Variants in DIRAS3 observed in about 807,000 individuals in gnomAD.
DIRAS3 encodes DIRAS family GTPase 3.
For synonymous variants in DIRAS3, 133 were observed against 131.4 expected (o/e 1.01, Z -0.08); for missense variants, 248 against 300.6 (o/e 0.83, Z 1.29).
intron 1 of DIRAS3, among the ~76,000 whole-genome samples, chr1:68,048,019 TAAAAAAAAAAAAAAAAAAA>T (rs869307311): frequency 4.6e-4 from 5 of 10,936 alleles, no homozygotes; most frequent in African/African-American, 1.6e-3. Flanking sequence ...GACAGTGGAG[TAAAAAAAAAAAAAAAAAAA>T]AAAAAAAAAA....
rs975410394 is a variant in DIRAS3, at chr1:68,046,521, T to G, written c.*87A>C. ...TTACAGTCCAAACAACAGCACAAAA[T>G]CAACCATGTACATGTAACATAGTGA... On this transcript the variant is annotated 3_prime_UTR_variant, in exon 2 of 2. Coordinates refer to ENST00000646789, the MANE Select transcript of DIRAS3 (RefSeq NM_004675.5). The G allele has an allele frequency of 1.3e-5, 17 of 1,278,462 alleles. No homozygotes were observed. In the African/African-American group the frequency reaches 2.4e-4, roughly 18 times the overall value. The allele number at this position is 1,278,462 out of a possible 1,614,324, so 79.2% of individuals were successfully genotyped here. A position where few individuals can be genotyped will look rare whatever the true frequency, so the allele number is the denominator to read the frequency against.
rs780936736 is a variant in DIRAS3, at chr1:68,046,243, A to C, written c.*365T>G. The stretch of plus-strand genomic sequence containing the variant: ...ATTAAGCACTTACAGGATGTGAAAT[A>C]TTTAAAGGTAATACACAATAATCGG... On this transcript the variant is annotated 3_prime_UTR_variant, in exon 2 of 2. Coordinates refer to ENST00000646789, the MANE Select transcript of DIRAS3 (RefSeq NM_004675.5). The C allele has an allele frequency of 4.0e-5, 7 of 176,424 alleles. No homozygotes were observed. The highest frequency in any genetic ancestry group is 6.1e-5 in the Non-Finnish European group (5 of 82,308). 10.9% of individuals were successfully genotyped at this position (176,424 alleles called of 1,614,324 possible).
intron 1 of DIRAS3, chr1:68,049,291 C>A (rs933429137): frequency 6.6e-6 from 1 of 152,094 alleles, no homozygotes; most frequent in Non-Finnish European, 1.5e-5. Context: ...TTCATTTTTG[C>A]AGCTTTCAGG....
At chr1:68,049,188 G>T (rs1254072376) in intron 1 of DIRAS3, among the ~76,000 whole-genome samples, 1 of 152,164 alleles carries the variant, frequency 6.6e-6, no homozygotes, top group East Asian at 1.9e-4. Context: ...TTAAGTAGAT[G>T]ATTTTATATT....
At chr1:68,048,744 T>G (rs562710137) in intron 1 of DIRAS3, among the ~76,000 whole-genome samples, 10 of 128,232 alleles carry the variant, frequency 7.8e-5, no homozygotes, top group African/African-American at 2.8e-4. Flanking sequence ...TTTTTTTTTT[T>G]GTTTTTTTTT....
Position 68,046,621 on chromosome 1 carries a change from C to G in DIRAS3, c.677G>C (p.Cys226Ser). 6.2e-7 allele frequency: 1 copy of G among 1,613,872 alleles called. No homozygotes were observed. Among genetic ancestry groups the G allele is most frequent in the Non-Finnish European group, 8.5e-7 (1 of 1,179,934 alleles). ...AAGGCCCAGGGCTCACATGATTATG[C>G]ACTTGTCAAGCAGCTTCTCAGTGGT... The part of the protein sequence containing the change: ...PNTTEKLLDK[C>S]IIM The change falls in exon 2 of 2, where the codon TGC becomes TCC. Residue 226 changes from cysteine (C) to serine (S), a missense_variant. Coordinates refer to ENST00000646789, the MANE Select transcript of DIRAS3 (RefSeq NM_004675.5).
rs145764071 is a variant in DIRAS3 at position 68,048,628 on chromosome 1, C to T, written c.-65-1266G>A. ...ATAAACTAGCCTGTCTTGCTGGCTG[C>T]GTAGTTGAACACATACTCTCCCAGT... On this transcript the variant is annotated intron_variant, in intron 1 of 1. Transcript: ENST00000646789. Among the ~76,000 whole-genome samples the T allele has an allele frequency of 1.7e-3, 262 of 152,084 alleles. 1 individual carries two copies. The Middle Eastern group carries it at 0.02, about 12-fold the overall frequency.
chr1:68,049,969 C>CCCCCACTCCCCT (rs112290913), intron 1 of DIRAS3, among the ~76,000 whole-genome samples: 2 of 147,582 alleles, frequency 1.4e-5, no homozygotes, highest in African/African-American at 5.4e-5. Flanking sequence ...GACCCCCCCC[C>CCCCCACTCCCCT]CCACTCCCCT....
At chr1:68,048,731 G>GTTTTTTTTTTTTTTTTTTTTTTT (rs869104563) in intron 1 of DIRAS3, among the ~76,000 whole-genome samples, 1 of 119,362 alleles carries the variant, frequency 8.4e-6, no homozygotes. Flanking sequence ...TTTGGTGGTG[G>GTTTTTTTTTTTTTTTTTTTTTTT]TTTTTTTTTT....
Position 68,047,161 on chromosome 1 carries a change from G to A in DIRAS3, c.137C>T (p.Ala46Val). 6.2e-7 allele frequency: 1 copy of A among 1,614,192 alleles called. No homozygotes were observed. The highest frequency in any genetic ancestry group is 8.5e-7 in the Non-Finnish European group (1 of 1,180,044). Residue 46 changes from alanine to valine, a missense_variant, in exon 2 of 2, where the codon GCT becomes GTT. Physicochemically the swap from Ala to Val is moderately conservative, Grantham distance 64. Transcript: ENST00000646789. Reference protein sequence around the residue: ...RDYRVVVVGTAGVGKSTLLHK... With the variant: ...RDYRVVVVGTVGVGKSTLLHK... ...CAGCAGCGTACTTTTCCCCACACCA[G>A]CGGTGCCGACTACCACGACGCGGTA...
Position 68,050,051 on chromosome 1 carries a change from A to G in DIRAS3, c.-66+497T>C, listed in dbSNP as rs1476150822. Among the ~76,000 whole-genome samples the G allele has an allele frequency of 6.7e-6, 1 of 148,352 alleles. No individual in the cohort carries two copies. Among genetic ancestry groups the G allele is most frequent in the Non-Finnish European group, 1.5e-5 (1 of 67,352 alleles). ...GGAGGTGAAAGTTTCCAGGAACCAG[A>G]GGGCGTCCAAACCCAGCGGCCGTGC... On this transcript the variant is annotated intron_variant, in intron 1 of 1. Coordinates refer to ENST00000646789, the MANE Select transcript of DIRAS3 (RefSeq NM_004675.5). This position sits in a 1 kb window ranked among gnomAD's most constrained non-coding sequence, Gnocchi z 4.5.
rs1645674270 is a variant in DIRAS3, at chr1:68,046,529, G to GTACA, written c.*75_*78dup. 7.5e-7 allele frequency: 1 copy of GTACA among 1,331,382 alleles called. No homozygotes were observed. Among genetic ancestry groups the GTACA allele is most frequent in the Admixed American group, 2.0e-5 (1 of 49,404 alleles). 82.5% of individuals were successfully genotyped at this position (1,331,382 alleles called of 1,614,324 possible). ...CAAACAACAGCACAAAATCAACCAT[G>GTACA]TACATGTAACATAGTGAAATGAGTC... On this transcript the variant is annotated 3_prime_UTR_variant, in exon 2 of 2. Coordinates refer to ENST00000646789, the MANE Select transcript of DIRAS3 (RefSeq NM_004675.5).
rs1645719508 is a variant in DIRAS3 at position 68,050,167 on chromosome 1, C to G, written c.-66+381G>C. Among the ~76,000 whole-genome samples, 1 of 152,204 alleles carries G rather than the reference C, an allele frequency of 6.6e-6. No individual in the cohort carries two copies. The highest frequency in any genetic ancestry group is 1.5e-5 in the Non-Finnish European group (1 of 68,030). Reference sequence around the variant, plus strand: ...GCAAGGTCAGGTTTCTCTCTGGTGGCTGTGGCGGCTGCTACCCTCCTCGCC... The same window carrying G: ...GCAAGGTCAGGTTTCTCTCTGGTGGGTGTGGCGGCTGCTACCCTCCTCGCC... On this transcript the variant is annotated intron_variant, in intron 1 of 1. Coordinates refer to ENST00000646789, the MANE Select transcript of DIRAS3 (RefSeq NM_004675.5). The surrounding 1 kb of genome is among the most constrained non-coding windows in gnomAD (Gnocchi z 4.5).
In DIRAS3 at chr1:68,047,000, C is replaced by T. The variant is rs1192655818; in HGVS notation, c.298G>A (p.Ala100Thr). 1 of 1,614,132 alleles carries T rather than the reference C, an allele frequency of 6.2e-7. No individual in the cohort carries two copies. The highest frequency in any genetic ancestry group is 1.1e-5 in the South Asian group (1 of 91,082). The change falls in exon 2 of 2, where the codon GCT (alanine) becomes ACT (threonine). Residue 100 changes from alanine (A) to threonine (T), a missense_variant. Ala to Thr is a moderately conservative substitution (Grantham distance 58). Transcript: ENST00000646789. ...TDSKSGDGNR[A>T]LQRHVIARGH... ...CGGGCTATAACGTGGCGCTGCAGAG[C>T]GCGGTTGCCGTCGCCACTCTTGCTG...
In DIRAS3 at chr1:68,046,472, G is replaced by T. The variant is rs957137673; in HGVS notation, c.*136C>A. On this transcript the variant is annotated 3_prime_UTR_variant, in exon 2 of 2. Coordinates refer to ENST00000646789, the MANE Select transcript of DIRAS3 (RefSeq NM_004675.5). ...AAAAGAAAAGTTATCCACTTACAAG[G>T]TATACGTATTGACAACATGGATGTT... The T allele has an allele frequency of 3.8e-6, 3 of 780,976 alleles. No individual in the cohort carries two copies. In the South Asian group the frequency reaches 5.4e-5, roughly 14 times the overall value. The allele number at this position is 780,976 out of a possible 1,614,324, so 48.4% of individuals were successfully genotyped here.
At position 68,046,940 on chromosome 1, in the gene DIRAS3, T is replaced by C; in HGVS notation, c.358A>G (p.Lys120Glu). Reference protein sequence around the residue: ...HAFVLVYSVTKKETLEELKAF... With the variant: ...HAFVLVYSVTEKETLEELKAF... The stretch of plus-strand genomic sequence containing the variant: ...TTCAGCTCTTCCAGGGTTTCCTTCT[T>C]GGTGACTGAGTAGACCAGGACGAAG... The change falls in exon 2 of 2, where the codon AAG becomes GAG. Residue 120 changes from lysine (K) to glutamate (E), a missense_variant. Lys to Glu is a moderately conservative substitution (Grantham distance 56, BLOSUM62 1). Transcript: ENST00000646789. 6.2e-7 allele frequency: 1 copy of C among 1,614,186 alleles called. No homozygotes were observed. The highest frequency in any genetic ancestry group is 8.5e-7 in the Non-Finnish European group (1 of 1,180,024).
chr1:68,048,050 AT>A (rs1249974235), intron 1 of DIRAS3, among the ~76,000 whole-genome samples: 131 of 9,098 alleles, frequency 0.014, no homozygotes, highest in African/African-American at 0.041. Context: ...AAAAAAAAAA[AT>A]ATATATATAT....
chr1:68,047,740 G>C (rs769388939), intron 1 of DIRAS3, among the ~76,000 whole-genome samples: 23 of 151,618 alleles, frequency 1.5e-4, no homozygotes, highest in Non-Finnish European at 2.8e-4. Flanking sequence ...AGAGAAACAG[G>C]TGAGGGAATT....
intron 1 of DIRAS3, among the ~76,000 whole-genome samples, chr1:68,048,019 TAAAAAAAAAAAAAA>T (rs869307311): frequency 1.2e-3 from 13 of 10,930 alleles, no homozygotes; most frequent in African/African-American, 3.3e-3. Flanking sequence ...GACAGTGGAG[TAAAAAAAAAAAAAA>T]AAAAAAAAAA....
Sources: allele counts gnomAD v4.1 joint callset (sites outside exome capture counted in the v4.1 genomes callset), GRCh38; gene constraint gnomAD v4.1.1; non-coding constraint Gnocchi (gnomAD v3.1); transcripts MANE v1.5; gene names NCBI Gene and HGNC (gene_info 2026-07-23, HGNC 2026-07-21).